The following LAMB4 variants were observed in gnomAD, a reference collection of about 807,000 sequenced individuals.
LAMB4 encodes laminin subunit beta 4.
Under a neutral mutation model 199.2 loss-of-function variants are expected in LAMB4, and 196 were observed. The observed-to-expected ratio is 0.98, with a 90% confidence interval of 0.88 to 1.11. The LOEUF (loss-of-function observed/expected upper bound fraction) is 1.11. Among genes scored for constraint, LAMB4 ranks in the 50% least tolerant of loss-of-function variants. LAMB4 has a pLI of 0.00. For synonymous variants in LAMB4, 744 were observed against 770.6 expected (o/e 0.97, Z 0.57); for missense variants, 2,080 against 2,171.2 (o/e 0.96, Z 0.83).
At chr7:108,116,738 AC>A (rs2038421023) in intron 2 of LAMB4, among the ~76,000 whole-genome samples, 1 of 151,986 alleles carries the variant, frequency 6.6e-6, no homozygotes, top group Admixed American at 6.6e-5. Flanking sequence ...AGTCTTAAAA[AC>A]CCTATGAATT....
At chr7:108,129,695 G>A (rs925911010) in intron 1 of LAMB4, among the ~76,000 whole-genome samples, 19 of 151,992 alleles carry the variant, frequency 1.3e-4, no homozygotes, top group Non-Finnish European at 2.9e-5. Context: ...GTGCCACTAC[G>A]GCTGTATAGT....
intron 30 of LAMB4, 124 bp from the exon 31 acceptor site, chr7:108,034,470 C>G: frequency 1.3e-6 from 1 of 746,056 alleles, no homozygotes; most frequent in Non-Finnish European, 2.2e-6. Flanking sequence ...TTAAATTACT[C>G]TTAAACAAGA....
chr7:108,095,435 A>G, intron 11 of LAMB4, 98 bp from the exon 12 acceptor site: 1 of 849,882 alleles, frequency 1.2e-6, no homozygotes, highest in Non-Finnish European at 1.9e-6. Flanking sequence ...TAACCGCAAG[A>G]ACACAGAGAA....
intron 28 of LAMB4, among the ~76,000 whole-genome samples, chr7:108,044,955 C>CAAAAAAAAAAAAAAAAAAAAAAAA (rs756256335): frequency 1.8e-5 from 1 of 56,572 alleles, no homozygotes; most frequent in Admixed American, 2.0e-4. Flanking sequence ...ATTCTTGTCT[C>CAAAAAAAAAAAAAAAAAAAAAAAA]AAAAAAAAAA....
chr7:108,024,003 GA>G lies in LAMB4; in HGVS notation c.*35del. The G allele has an allele frequency of 3.2e-6, 5 of 1,566,404 alleles. No homozygotes were observed. Among genetic ancestry groups the G allele is most frequent in the Non-Finnish European group, 4.3e-6 (5 of 1,161,466 alleles). On this transcript the variant is annotated 3_prime_UTR_variant, in exon 34 of 34. Coordinates refer to ENST00000388781, the MANE Select transcript of LAMB4 (RefSeq NM_007356.3). ...CCAGGGGCTTGTACATCAGAAACCAGAAACAAAGGCACAAGCTTTTGCTCTT... is the reference window on the plus strand; with the variant it reads ...CCAGGGGCTTGTACATCAGAAACCAGAACAAAGGCACAAGCTTTTGCTCTT...
At chr7:108,069,965 C>A (rs2036476674) in intron 17 of LAMB4, 80 bp from the exon 18 acceptor site, 3 of 1,165,858 alleles carry the variant, frequency 2.6e-6, no homozygotes, top group Non-Finnish European at 3.6e-6. Context: ...AAAATTAGAT[C>A]TATGAAAATA....
At position 108,052,811 on chromosome 7, in the gene LAMB4, T is replaced by G. The variant is rs2035867499; in HGVS notation, c.3756-554A>C. Among the ~76,000 whole-genome samples the G allele has an allele frequency of 3.9e-5, 6 of 152,212 alleles. No homozygotes were observed. In the South Asian group the frequency reaches 1.2e-3, roughly 32 times the overall value. On this transcript the variant is annotated intron_variant, in intron 25 of 33. Transcript: ENST00000388781. ...CCCTGGGTTTTTTTCCATCACCTTC[T>G]TCTTTGATGGGGTACACCTTTGTTG...
chr7:108,096,959 AAAAAAAAAAAAAAT>A (rs1270835415), intron 11 of LAMB4, among the ~76,000 whole-genome samples: 17 of 149,596 alleles, frequency 1.1e-4, no homozygotes, highest in Admixed American at 5.3e-4. Flanking sequence ...AAAAAAAAAA[AAAAAAAAAAAAAAT>A]TTAAAGCTGG....
chr7:108,062,913 C>G lies in LAMB4; in HGVS notation c.3143G>C (p.Gly1048Ala). The G allele has an allele frequency of 6.2e-7, 1 of 1,608,758 alleles. No individual in the cohort carries two copies. The highest frequency in any genetic ancestry group is 8.5e-7 in the Non-Finnish European group (1 of 1,177,894). ...GGACLCDPVT[G>A]ACPCLPNVTG... ...GACATTCGGCAGACAAGGACATGCA[C>G]CAGTGACAGGGTCACAGAGGCAAGC... The change falls in exon 23 of 34, where the codon GGT becomes GCT. Residue 1048 changes from glycine (G) to alanine (A), a missense_variant. Coordinates refer to ENST00000388781, the MANE Select transcript of LAMB4 (RefSeq NM_007356.3).
rs35265257 is a variant in LAMB4 at position 108,105,868 on chromosome 7, T to C, written c.819A>G (p.Glu273=). ...CCCGCATCTTCTGCATAGGGCGACA[T>C]TCGCTAGCATGGCCATTGCAAAAGC... ...GSCFCNGHAS[E]CRPMQKMRGD... The change falls in exon 8 of 34, where the codon GAA becomes GAG. Residue 273 remains glutamate (E), a synonymous_variant. Coordinates refer to ENST00000388781, the MANE Select transcript of LAMB4 (RefSeq NM_007356.3). 3.7e-3 allele frequency: 6,020 copies of C among 1,614,206 alleles called. 183 individuals are homozygous for C. In the African/African-American group the frequency reaches 0.062, roughly 17 times the overall value.
At chr7:108,033,015 T>G (rs1364774879) in intron 31 of LAMB4, among the ~76,000 whole-genome samples, 8 of 152,304 alleles carry the variant, frequency 5.3e-5, no homozygotes, top group African/African-American at 1.7e-4. Flanking sequence ...ATATCCAATC[T>G]AATATTTTTA....
intron 14 of LAMB4, 145 bp downstream of exon 14, chr7:108,091,481 G>A (rs767625120): frequency 2.3e-4 from 198 of 843,600 alleles, no homozygotes; most frequent in Non-Finnish European, 3.4e-4. Flanking sequence ...ATCTGCATTT[G>A]CAGGTTATAA....
chr7:108,060,475 G>T (rs2036124736), intron 23 of LAMB4, among the ~76,000 whole-genome samples: 1 of 152,126 alleles, frequency 6.6e-6, no homozygotes, highest in African/African-American at 2.4e-5. Context: ...CCAGATCTTG[G>T]TTTCTAATAC....
intron 24 of LAMB4, among the ~76,000 whole-genome samples, chr7:108,057,520 A>G (rs1353996752): frequency 1.3e-5 from 2 of 152,204 alleles, no homozygotes; most frequent in Non-Finnish European, 2.9e-5. Context: ...TGATAAGCCC[A>G]TGATACCTGA....
chr7:108,072,928 A>G (rs966102330), intron 17 of LAMB4, among the ~76,000 whole-genome samples: 9 of 152,250 alleles, frequency 5.9e-5, no homozygotes, highest in African/African-American at 1.4e-4. Context: ...GATAATTTAC[A>G]GCTCTTGGTC....
chr7:108,036,529 C>T (rs1336128950), intron 30 of LAMB4, among the ~76,000 whole-genome samples: 1 of 152,090 alleles, frequency 6.6e-6, no homozygotes, highest in Non-Finnish European at 1.5e-5. Context: ...TAATCTTCCT[C>T]GTTTTAAATA....
chr7:108,031,066 T>C (rs1220954078), intron 31 of LAMB4, 87 bp from the exon 32 acceptor site: 5 of 1,125,438 alleles, frequency 4.4e-6, no homozygotes, highest in Admixed American at 2.5e-5. Context: ...TTGAAAAATA[T>C]GCTGGGTGTA....
chr7:108,016,170 C>A, the LAMB4 span, among the ~76,000 whole-genome samples: 3 of 151,984 alleles, frequency 2.0e-5, no homozygotes, highest in Non-Finnish European at 4.4e-5. Context: ...CCTGCCTTGC[C>A]ATTTCTTCCA....
rs2037434587 is a variant in LAMB4 at position 108,092,219 on chromosome 7, C to T, written c.1550+118G>A. 1.8e-5 allele frequency: 13 copies of T among 740,338 alleles called. No individual in the cohort carries two copies. In the South Asian group the frequency reaches 2.3e-4, roughly 13 times the overall value. The allele number at this position is 740,338 out of a possible 1,614,324, so 45.9% of individuals were successfully genotyped here. A position where few individuals can be genotyped will look rare whatever the true frequency, so the allele number is the denominator to read the frequency against. ...GAAATCAATGGGCTGTAGTTAATGT[C>T]TCAAGATCATTGCTTGTCATGGAAT... On this transcript the variant is annotated intron_variant, in intron 13 of 33. Coordinates refer to ENST00000388781, the MANE Select transcript of LAMB4 (RefSeq NM_007356.3).
Sources: allele counts gnomAD v4.1 joint callset (sites outside exome capture counted in the v4.1 genomes callset), GRCh38; gene constraint gnomAD v4.1.1; transcripts MANE v1.5; gene names NCBI Gene and HGNC (gene_info 2026-07-23, HGNC 2026-07-21).